YAP1: variants seen among roughly 807,000 people sequenced by gnomAD.
YAP1 encodes the protein transcriptional coactivator YAP1.
A neutral mutation model predicts 56.9 loss-of-function variants in YAP1; 5 were observed. That is an observed-to-expected ratio of 0.09 (90% CI 0.05 to 0.18). The LOEUF is 0.18. Ranked by LOEUF, YAP1 falls within the 10% of genes least tolerant of loss-of-function variation. YAP1 has a pLI of 1.00. For missense variants in YAP1, 539 were observed against 651.8 expected, an observed-to-expected ratio of 0.83 and a Z score of 1.88; for synonymous variants, 265 against 248.1, an observed-to-expected ratio of 1.07 and a Z score of -0.64.
chr11:102,165,323 A>G (rs926673399), intron 3 of YAP1, among the ~76,000 whole-genome samples: 2 of 152,200 alleles, frequency 1.3e-5, no homozygotes, highest in East Asian at 3.8e-4. Context: ...TTGCACCACC[A>G]TACTCCAGCC....
chr11:102,179,047 C>G (rs1947432392), intron 3 of YAP1, among the ~76,000 whole-genome samples: 2 of 140,028 alleles, frequency 1.4e-5, no homozygotes, highest in South Asian at 5.3e-4. Flanking sequence ...GTACCCCACC[C>G]CCCACCCCGT....
chr11:102,212,769 CAG>C (rs1240540730), intron 6 of YAP1, among the ~76,000 whole-genome samples: 1 of 152,080 alleles, frequency 6.6e-6, no homozygotes, highest in East Asian at 1.9e-4. Flanking sequence ...TTGGTAGAGA[CAG>C]GGTTTCTCCA....
rs1239702265 is a variant in YAP1, at chr11:102,201,231, C to G, written c.803-4662C>G. Among the ~76,000 whole-genome samples, 6 of 152,140 alleles carry G rather than the reference C, an allele frequency of 3.9e-5. No homozygotes were observed. The East Asian group carries it at 1.2e-3, about 29-fold the overall frequency. On this transcript the variant is annotated intron_variant, in intron 4 of 8. Transcript: ENST00000282441. The stretch of plus-strand genomic sequence containing the variant: ...GAAAATGAGGGAAAATCTCTATATA[C>G]TGCTTTAGAGTTATCTCAGGATATA...
intron 3 of YAP1, among the ~76,000 whole-genome samples, chr11:102,163,004 T>C (rs1946386481): frequency 2.7e-5 from 4 of 149,138 alleles, no homozygotes; most frequent in Non-Finnish European, 4.5e-5. Flanking sequence ...TTTTTTGCTA[T>C]GGTGTTCTTA....
chr11:102,157,219 G>A (rs1946007725), intron 2 of YAP1, among the ~76,000 whole-genome samples: 1 of 152,148 alleles, frequency 6.6e-6, no homozygotes, highest in South Asian at 2.1e-4. Flanking sequence ...AGGAAATATA[G>A]TATATGCATA....
chr11:102,188,732 G>T (rs1307366971), intron 4 of YAP1, among the ~76,000 whole-genome samples: 1 of 152,204 alleles, frequency 6.6e-6, no homozygotes, highest in African/African-American at 2.4e-5. Flanking sequence ...GTTTGTGTAA[G>T]TACTCTCTAA....
chr11:102,219,753 T>G (rs996590355), intron 6 of YAP1, among the ~76,000 whole-genome samples: 12 of 151,810 alleles, frequency 7.9e-5, no homozygotes, highest in Non-Finnish European at 1.8e-4. Flanking sequence ...TGGTTTTTTT[T>G]GTTTGTTTTG....
chr11:102,213,710 C>A (rs1028127366), intron 6 of YAP1, among the ~76,000 whole-genome samples: 85 of 152,156 alleles, frequency 5.6e-4, no homozygotes, highest in Non-Finnish European at 5.4e-4. Flanking sequence ...CTTGCTTATC[C>A]CCTTTCTTAC....
At chr11:102,154,411 G>C (rs1024910253) in intron 2 of YAP1, among the ~76,000 whole-genome samples, 2 of 152,156 alleles carry the variant, frequency 1.3e-5, no homozygotes, top group Admixed American at 1.3e-4. Context: ...TTCTAAGTAA[G>C]CCAGTCCTGT....
intron 1 of YAP1, 50 bp downstream of exon 1, chr11:102,111,219 C>G (rs750110231): frequency 6.3e-7 from 1 of 1,591,208 alleles, no homozygotes. Context: ...GGCCTCAGAC[C>G]GGGGGGGCGC....
chr11:102,125,401 G>T (rs1453034310), intron 2 of YAP1, among the ~76,000 whole-genome samples: 1 of 130,544 alleles, frequency 7.7e-6, no homozygotes. Flanking sequence ...TTTTGAGACA[G>T]AGCTTCGCAC....
chr11:102,119,377 C>T (rs1449545782), intron 2 of YAP1, among the ~76,000 whole-genome samples: 1 of 151,930 alleles, frequency 6.6e-6, no homozygotes, highest in East Asian at 1.9e-4. Context: ...ACTAGAACTT[C>T]TTTGCATTAT....
intron 6 of YAP1, among the ~76,000 whole-genome samples, chr11:102,216,607 C>T (rs1949680525): frequency 6.6e-6 from 1 of 152,042 alleles, no homozygotes; most frequent in Non-Finnish European, 1.5e-5. Context: ...AGCCATAAGC[C>T]TTGGGACATA....
In YAP1 at chr11:102,129,697, A is replaced by C. The variant is rs563358374; in HGVS notation, c.572+15303A>C. The stretch of plus-strand genomic sequence containing the variant: ...GGACCCTTTATTGTTTTTTATCTCA[A>C]GTTGAATTTCTCCAGGTTCCATTTT... On this transcript the variant is annotated intron_variant, in intron 2 of 8. Coordinates refer to ENST00000282441, the MANE Select transcript of YAP1 (RefSeq NM_001130145.3). 1.5e-3 allele frequency among the ~76,000 whole-genome samples: 227 copies of C among 151,308 alleles called. 6 individuals are homozygous for C. In the South Asian group the frequency reaches 0.025, roughly 17 times the overall value.
chr11:102,142,081 A>G (rs1421991954), intron 2 of YAP1, among the ~76,000 whole-genome samples: 1 of 152,236 alleles, frequency 6.6e-6, no homozygotes, highest in Non-Finnish European at 1.5e-5. Context: ...TTTAATATAT[A>G]AATGTTATCA....
chr11:102,174,320 C>T (rs1193679998), intron 3 of YAP1, among the ~76,000 whole-genome samples: 6 of 151,978 alleles, frequency 3.9e-5, no homozygotes, highest in Non-Finnish European at 7.4e-5. Flanking sequence ...ATTTACAGGC[C>T]GGGTGTGGTG....
intron 3 of YAP1, among the ~76,000 whole-genome samples, chr11:102,169,011 A>G (rs1455794142): frequency 6.6e-6 from 1 of 152,140 alleles, no homozygotes; most frequent in East Asian, 1.9e-4. Flanking sequence ...TTCACCTTTG[A>G]AACTGAGAGA....
chr11:102,213,470 A>G (rs921035304), intron 6 of YAP1, among the ~76,000 whole-genome samples: 1 of 152,138 alleles, frequency 6.6e-6, no homozygotes, highest in Admixed American at 6.5e-5. Flanking sequence ...TGGCGAAAAG[A>G]GCAAAACTCC....
chr11:102,215,328 C>T (rs1949607549), intron 6 of YAP1, among the ~76,000 whole-genome samples: 1 of 152,136 alleles, frequency 6.6e-6, no homozygotes, highest in Non-Finnish European at 1.5e-5. Context: ...AAATTGATTA[C>T]CACCCTCCCT....
Sources: gnomAD v4.1 joint callset for allele counts (sites outside exome capture counted in the v4.1 genomes callset) on GRCh38, gnomAD v4.1.1 for gene constraint, MANE v1.5 for transcripts, NCBI Gene and HGNC (gene_info 2026-07-23, HGNC 2026-07-21) for gene names.